COL9A3: variants seen among roughly 807,000 people sequenced by gnomAD.
COL9A3 encodes the protein collagen type IX alpha 3 chain.
In COL9A3, 82 loss-of-function variants were observed where a neutral mutation model predicts 110.2. That is an observed-to-expected ratio of 0.74 (90% CI 0.62 to 0.89). The LOEUF is 0.89. Ranked by LOEUF, COL9A3 falls within the 40% of genes least tolerant of loss-of-function variation. The pLI is 0.00. For synonymous variants in COL9A3, 494 were observed against 403.8 expected, an observed-to-expected ratio of 1.22 and a Z score of -2.68; for missense variants, 1,066 against 981.3, an observed-to-expected ratio of 1.09 and a Z score of -1.15.
chr20:62,818,636 CTG>C, intron 3 of COL9A3, 83 bp downstream of exon 3: 1 of 1,404,440 alleles, frequency 7.1e-7, no homozygotes, highest in Non-Finnish European at 1.0e-6. Context: ...CATTGATATC[CTG>C]TCTCATCCTG....
chr20:62,826,841 T>C, intron 15 of COL9A3, 21 bp downstream of exon 15: 1 of 1,612,140 alleles, frequency 6.2e-7, no homozygotes, highest in Non-Finnish European at 8.5e-7. Flanking sequence ...CAGTGGACGG[T>C]GGGCGCCATG....
intron 2 of COL9A3, 115 bp from the exon 3 acceptor site, chr20:62,818,403 G>T: frequency 1.9e-6 from 2 of 1,027,640 alleles, no homozygotes; most frequent in South Asian, 1.3e-5. Flanking sequence ...CCTTTTGTCT[G>T]CTGGGGCTGG....
At chr20:62,816,864 C>G (rs1042280349), upstream of COL9A3, among the ~76,000 whole-genome samples, 2 of 152,040 alleles carry the variant, frequency 1.3e-5, no homozygotes, top group Non-Finnish European at 2.9e-5. Context: ...GCCGCCCGCC[C>G]GGCGTCTTTT....
chr20:62,827,839 G>A, intron 16 of COL9A3, 84 bp from the exon 17 acceptor site: 1 of 1,450,256 alleles, frequency 6.9e-7, no homozygotes, highest in Non-Finnish European at 9.7e-7. Flanking sequence ...TAGCTCCTTG[G>A]TGTCCCCGAG....
intron 17 of COL9A3, 148 bp from the exon 18 acceptor site, chr20:62,828,616 A>C (rs1156612234): frequency 3.2e-6 from 3 of 934,360 alleles, no homozygotes; most frequent in Non-Finnish European, 5.0e-6. Flanking sequence ...CCACACGGCC[A>C]CCTTGGTCAT....
rs553840186 is a variant in COL9A3 at position 62,826,917 on chromosome 20, C to G, written c.792+97C>G. Reference sequence around the variant, plus strand: ...CGCCCCCAGCCCCACTGGGGCCCCTCTTCTGTGGCTGAGCTGTTCCCTGGA... The same window carrying G: ...CGCCCCCAGCCCCACTGGGGCCCCTGTTCTGTGGCTGAGCTGTTCCCTGGA... On this transcript the variant is annotated intron_variant, in intron 15 of 31. Coordinates refer to ENST00000649368, the MANE Select transcript of COL9A3 (RefSeq NM_001853.4). 353 of 1,366,564 alleles carry G rather than the reference C, an allele frequency of 2.6e-4. No homozygotes were observed. The African/African-American group carries it at 4.5e-3, about 17-fold the overall frequency. The allele number at this position is 1,366,564 out of a possible 1,614,324, so 84.7% of individuals were successfully genotyped here.
chr20:62,819,103 AGGG>A, intron 3 of COL9A3, 116 bp from the exon 4 acceptor site: 1 of 987,050 alleles, frequency 1.0e-6, no homozygotes, highest in Non-Finnish European at 1.6e-6. Context: ...GACCCAGGAG[AGGG>A]GCCCATCCCG....
At chr20:62,837,374 C>G (rs1371478528) in intron 30 of COL9A3, 109 bp downstream of exon 30, 1 of 1,229,494 alleles carries the variant, frequency 8.1e-7, no homozygotes. Flanking sequence ...GGGGTAACCC[C>G]TGGAACGTGG....
At chr20:62,834,652 A>AT (rs60708328) in intron 26 of COL9A3, among the ~76,000 whole-genome samples, 28,836 of 150,600 alleles carry the variant, frequency 0.19, 3,528 homozygotes, top group East Asian at 0.67. Context: ...TTCTTTTTTT[A>AT]TTTTTTTTTG....
intron 2 of COL9A3, 93 bp downstream of exon 2, chr20:62,817,728 C>A: frequency 1.2e-6 from 1 of 834,068 alleles, no homozygotes; most frequent in Non-Finnish European, 1.9e-6. Flanking sequence ...GAGAGAAAAC[C>A]AGGCCCCACC....
At position 62,817,602 on chromosome 20, in the gene COL9A3, G is replaced by A. The variant is rs1990974853; in HGVS notation, c.114G>A (p.Gly38=). Residue 38 remains glycine (G), a synonymous_variant, in exon 2 of 32, where the codon GGG becomes GGA. Transcript: ENST00000649368. The part of the protein sequence containing the change: ...VGLPGPPGPP[G]PPGKPGQDGI... The stretch of plus-strand genomic sequence containing the variant: ...TCCCCGGCCCCCCCGGCCCCCCAGG[G>A]CCGCCCGGGAAGCCCGGCCAGGACG... 2 of 1,547,460 alleles carry A rather than the reference G, an allele frequency of 1.3e-6. No homozygotes were observed. Among genetic ancestry groups the A allele is most frequent in the Non-Finnish European group, 1.7e-6 (2 of 1,145,552 alleles).
At chr20:62,817,861 G>A (rs758370283) in intron 2 of COL9A3, 22 of 665,692 alleles carry the variant, frequency 3.3e-5, no homozygotes, top group South Asian at 3.1e-4. Context: ...CCAGAATGCC[G>A]GCACTGAGGT....
At chr20:62,827,050 C>T (rs1299619734) in intron 15 of COL9A3, among the ~76,000 whole-genome samples, 191 bp from the exon 16 acceptor site, 1 of 152,154 alleles carries the variant, frequency 6.6e-6, no homozygotes, top group African/African-American at 2.4e-5. Context: ...TGAGGGGTCA[C>T]CATCGTCCCT....
rs532569471 is a variant in COL9A3, at chr20:62,833,738, C to T, written c.1368+674C>T. Among the ~76,000 whole-genome samples the T allele has an allele frequency of 9.9e-4, 151 of 151,836 alleles. 4 individuals carry two copies. In the South Asian group the frequency reaches 0.024, roughly 25 times the overall value. On this transcript the variant is annotated intron_variant, in intron 26 of 31. Transcript: ENST00000649368. The stretch of plus-strand genomic sequence containing the variant: ...TTTGAGACGAAGTTTTGCTCTGTTG[C>T]CCAGGCTGGAGCACAGTGGCGCGAT...
Position 62,836,533 on chromosome 20 carries a change from G to GT in COL9A3, c.1603+2dup. ...GAGCTGTGTGGGGGGATGATCAGCG[G>GT]TAAGTCAGCCACGTGCACCGGCTGC... On this transcript the variant is annotated splice_donor_variant, in intron 29 of 31. Transcript: ENST00000649368. LOFTEE classifies it high-confidence loss of function. 6.2e-7 allele frequency: 1 copy of GT among 1,609,848 alleles called. No homozygotes were observed. Among genetic ancestry groups the GT allele is most frequent in the Non-Finnish European group, 8.5e-7 (1 of 1,178,136 alleles).
intron 31 of COL9A3, 150 bp downstream of exon 31, chr20:62,838,911 A>G (rs1214369661): frequency 3.9e-6 from 3 of 766,582 alleles, no homozygotes; most frequent in African/African-American, 3.4e-5. Flanking sequence ...AATTGTCTCA[A>G]TAACCACTTT....
chr20:62,826,633 G>T, intron 14 of COL9A3, 134 bp from the exon 15 acceptor site: 1 of 899,378 alleles, frequency 1.1e-6, no homozygotes. Flanking sequence ...ACTACTAGGT[G>T]GCATCTTGGG....
rs557016235 is a variant in COL9A3 at position 62,825,645 on chromosome 20, C to A, written c.631-172C>A. On this transcript the variant is annotated intron_variant, in intron 12 of 31. Coordinates refer to ENST00000649368, the MANE Select transcript of COL9A3 (RefSeq NM_001853.4). The stretch of plus-strand genomic sequence containing the variant: ...GGCAGGGCGAGGCCACCGAGACTCG[C>A]GGGACTGCTCTGGAACTGTGGGCAA... 10 of 699,942 alleles carry A rather than the reference C, an allele frequency of 1.4e-5. No homozygotes were observed. In the African/African-American group the frequency reaches 1.6e-4, roughly 11 times the overall value. 43.4% of individuals were successfully genotyped at this position (699,942 alleles called of 1,614,324 possible).
rs945991438 is a variant in COL9A3 at position 62,832,805 on chromosome 20, C to T, written c.1324-215C>T. 3 of 518,240 alleles carry T rather than the reference C, an allele frequency of 5.8e-6. No individual in the cohort carries two copies. In the African/African-American group the frequency reaches 5.8e-5, roughly 10 times the overall value. The allele number at this position is 518,240 out of a possible 1,614,324, so 32.1% of individuals were successfully genotyped here. On this transcript the variant is annotated intron_variant, in intron 25 of 31. Coordinates refer to ENST00000649368, the MANE Select transcript of COL9A3 (RefSeq NM_001853.4). ...TGGCAGAAAAGCCTCATTATGCAAACAAATGTCTTCCGTTTTTTGGCCCCG... is the reference window on the plus strand; with the variant it reads ...TGGCAGAAAAGCCTCATTATGCAAATAAATGTCTTCCGTTTTTTGGCCCCG...
Sources: allele counts gnomAD v4.1 joint callset (sites outside exome capture counted in the v4.1 genomes callset), GRCh38; gene constraint gnomAD v4.1.1; transcripts MANE v1.5; gene names NCBI Gene and HGNC (gene_info 2026-07-23, HGNC 2026-07-21).